The following TENM2 variants were observed in gnomAD, a reference collection of about 807,000 sequenced individuals.
TENM2 encodes teneurin-2.
A neutral mutation model predicts 245.2 loss-of-function variants in TENM2; 52 were observed. That is an observed-to-expected ratio of 0.21 (90% CI 0.17 to 0.27). TENM2 has a LOEUF of 0.27. TENM2 is among the 10% of genes least tolerant of loss of function. The pLI, the probability that TENM2 is intolerant of heterozygous loss-of-function variation, is 1.00. For missense variants in TENM2, 3,046 were observed against 3,666.8 expected (o/e 0.83, Z 4.37); for synonymous variants, 1,363 against 1,438.9 (o/e 0.95, Z 1.19).
intron 1 of TENM2, among the ~76,000 whole-genome samples, chr5:167,308,422 C>T (rs1755807747): frequency 6.6e-6 from 1 of 152,084 alleles, no homozygotes; most frequent in African/African-American, 2.4e-5. Flanking sequence ...TTATTAGCAC[C>T]AAATTTTTAC....
intron 7 of TENM2, among the ~76,000 whole-genome samples, chr5:168,079,344 G>GTT (rs1371240296): frequency 6.6e-6 from 1 of 152,150 alleles, no homozygotes; most frequent in Non-Finnish European, 1.5e-5. Flanking sequence ...AGACAATGGG[G>GTT]TTTTCTAAAT....
chr5:167,262,318 C>G, the TENM2 span, among the ~76,000 whole-genome samples: 1 of 150,624 alleles, frequency 6.6e-6, no homozygotes, highest in African/African-American at 2.4e-5. Context: ...GGATCACGCC[C>G]TTACACTCCA....
intron 9 of TENM2, among the ~76,000 whole-genome samples, chr5:168,103,842 T>C (rs1055883072): frequency 9.9e-5 from 15 of 152,278 alleles, no homozygotes; most frequent in African/African-American, 3.6e-4. Flanking sequence ...CTTTTGGGCT[T>C]AAGAAGCAGC....
chr5:168,098,183 C>T, intron 9 of TENM2, 56 bp downstream of exon 11: 2 of 1,292,866 alleles, frequency 1.5e-6, no homozygotes, highest in Non-Finnish European at 2.2e-6. Flanking sequence ...CTAGGCTTCT[C>T]TGAGCGGGTA....
At chr5:167,965,928 C>G (rs1322560728) in intron 4 of TENM2, among the ~76,000 whole-genome samples, 1 of 152,186 alleles carries the variant, frequency 6.6e-6, no homozygotes, top group African/African-American at 2.4e-5. Flanking sequence ...CTGGAAAAAA[C>G]TCTGTCTAGC....
chr5:167,084,550 T>C, the TENM2 span, among the ~76,000 whole-genome samples: 1 of 151,278 alleles, frequency 6.6e-6, no homozygotes, highest in Admixed American at 6.6e-5. Context: ...TAAACATACA[T>C]TATCTCATTT....
At chr5:167,271,579 T>G in the TENM2 span, among the ~76,000 whole-genome samples, 1 of 152,200 alleles carries the variant, frequency 6.6e-6, no homozygotes, top group African/African-American at 2.4e-5. Flanking sequence ...TCTAGATTTA[T>G]AAGGTACGTG....
intron 2 of TENM2, among the ~76,000 whole-genome samples, chr5:167,429,941 A>T (rs537408760): frequency 2.0e-5 from 3 of 152,246 alleles, no homozygotes; most frequent in African/African-American, 4.8e-5. Flanking sequence ...CAAAAAGGAG[A>T]TAGCCACAAG....
the TENM2 span, among the ~76,000 whole-genome samples, chr5:167,106,109 G>T: frequency 6.6e-6 from 1 of 152,016 alleles, no homozygotes; most frequent in African/African-American, 2.4e-5. Flanking sequence ...GATTGAATGA[G>T]ATAATGCCTA....
intron 2 of TENM2, among the ~76,000 whole-genome samples, chr5:167,466,016 A>G (rs942669749): frequency 6.6e-6 from 1 of 152,106 alleles, no homozygotes; most frequent in African/African-American, 2.4e-5. Context: ...CTTAAGAAAA[A>G]AGACCTAATG....
At chr5:168,231,774 A>C (rs35113914) in intron 25 of TENM2, among the ~76,000 whole-genome samples, 4,281 of 151,524 alleles carry the variant, frequency 0.028, 178 homozygotes, top group African/African-American at 0.098. Flanking sequence ...AAACAACAAC[A>C]ACAACCAAAA....
At chr5:168,245,826 C>G (rs953381708) in intron 26 of TENM2, among the ~76,000 whole-genome samples, 1 of 152,194 alleles carries the variant, frequency 6.6e-6, no homozygotes, top group Admixed American at 6.5e-5. Flanking sequence ...GCCTGAAACA[C>G]AGGAATGATT....
At chr5:167,316,256 A>C (rs1485075815) in intron 1 of TENM2, among the ~76,000 whole-genome samples, 1 of 152,240 alleles carries the variant, frequency 6.6e-6, no homozygotes, top group African/African-American at 2.4e-5. Context: ...TAATGGATGC[A>C]TCATAAATAT....
intron 2 of TENM2, among the ~76,000 whole-genome samples, chr5:167,727,560 C>T (rs1225599157): frequency 4.6e-5 from 7 of 152,186 alleles, no homozygotes; most frequent in South Asian, 2.1e-4. Context: ...ACTGTTGTAA[C>T]GTAGATATAT....
the TENM2 span, among the ~76,000 whole-genome samples, chr5:167,095,025 G>C: frequency 1.3e-5 from 2 of 152,124 alleles, no homozygotes; most frequent in Non-Finnish European, 2.9e-5. Flanking sequence ...GGGGTGTATG[G>C]TTAGAAAAGT....
intron 1 of TENM2, among the ~76,000 whole-genome samples, chr5:167,332,658 T>C (rs1757529978): frequency 6.6e-6 from 1 of 152,202 alleles, no homozygotes; most frequent in Non-Finnish European, 1.5e-5. Flanking sequence ...GAATATCCTG[T>C]GCAGAATTTT....
At chr5:167,413,500 G>A (rs1763013282) in intron 2 of TENM2, among the ~76,000 whole-genome samples, 1 of 152,086 alleles carries the variant, frequency 6.6e-6, no homozygotes, top group African/African-American at 2.4e-5. Context: ...TTACGAGGCT[G>A]GTTGCAGTGA....
chr5:168,077,955 G>A (rs1791629602), intron 7 of TENM2, among the ~76,000 whole-genome samples: 1 of 152,156 alleles, frequency 6.6e-6, no homozygotes, highest in South Asian at 2.1e-4. Flanking sequence ...TAACAGGATG[G>A]CTGGCACAAA....
chr5:167,109,440 T>C, the TENM2 span, among the ~76,000 whole-genome samples: 1 of 152,176 alleles, frequency 6.6e-6, no homozygotes, highest in Non-Finnish European at 1.5e-5. Context: ...GTTGATATTT[T>C]ATTTAAAATA....
Sources: allele counts gnomAD v4.1 joint callset (sites outside exome capture counted in the v4.1 genomes callset), GRCh38; gene constraint gnomAD v4.1.1; transcripts MANE v1.5; gene names NCBI Gene and HGNC (gene_info 2026-07-23, HGNC 2026-07-21).